CDH8: variants seen among roughly 807,000 people sequenced by gnomAD.
CDH8 encodes cadherin-8.
A neutral mutation model predicts 68.1 loss-of-function variants in CDH8; 17 were observed. The ratio of observed to expected loss-of-function variants is 0.25; its 90% confidence interval spans 0.17 to 0.37. The LOEUF (loss-of-function observed/expected upper bound fraction) is 0.37. Ranked by LOEUF, CDH8 falls within the 10% of genes least tolerant of loss-of-function variation. The pLI, the probability that CDH8 is intolerant of heterozygous loss-of-function variation, is 1.00. For missense variants in CDH8, 763 were observed against 999.3 expected (o/e 0.76, Z 3.19); for synonymous variants, 372 against 365.1 (o/e 1.02, Z -0.21).
intron 2 of CDH8, among the ~76,000 whole-genome samples, chr16:61,945,883 G>A (rs141351799): frequency 6.6e-6 from 1 of 152,054 alleles, no homozygotes; most frequent in Admixed American, 6.6e-5. Context: ...TATTTCCTCC[G>A]ATTTTTCTTC....
intron 10 of CDH8, among the ~76,000 whole-genome samples, chr16:61,664,284 T>G (rs1963624944): frequency 1.3e-5 from 2 of 152,024 alleles, no homozygotes; most frequent in South Asian, 4.1e-4. Context: ...AATCTTTATA[T>G]TTTTATCAAA....
intron 9 of CDH8, among the ~76,000 whole-genome samples, chr16:61,715,586 A>G (rs1964714439): frequency 6.6e-6 from 1 of 151,600 alleles, no homozygotes; most frequent in Admixed American, 6.6e-5. Context: ...GGCCATTGCT[A>G]TTTATTGATG....
At position 62,021,531 on chromosome 16, in the gene CDH8, C is replaced by G. The variant is rs796540401; in HGVS notation, c.-128G>C. The G allele has an allele frequency of 2.1e-6, 3 of 1,461,220 alleles. No individual in the cohort carries two copies. Among genetic ancestry groups the G allele is most frequent in the African/African-American group, 1.4e-5 (1 of 70,678 alleles). 90.5% of individuals were successfully genotyped at this position (1,461,220 alleles called of 1,614,324 possible). A position where few individuals can be genotyped will look rare whatever the true frequency, so the allele number is the denominator to read the frequency against. ...ACAGCTCTGCCACGTGTCTATAGCA[C>G]GGGAAACAGACATCATCTAAGCAGC... On this transcript the variant is annotated 5_prime_UTR_variant, in exon 2 of 12. Coordinates refer to ENST00000577390, the MANE Select transcript of CDH8 (RefSeq NM_001796.5).
At chr16:61,950,830 G>A (rs1019415204) in intron 2 of CDH8, among the ~76,000 whole-genome samples, 1 of 152,100 alleles carries the variant, frequency 6.6e-6, no homozygotes, top group African/African-American at 2.4e-5. Context: ...CTTATAAGTG[G>A]AAGCTAAATG....
At chr16:61,660,650 A>C (rs921889981) in intron 10 of CDH8, among the ~76,000 whole-genome samples, 3 of 152,098 alleles carry the variant, frequency 2.0e-5, no homozygotes, top group Non-Finnish European at 1.5e-5. Context: ...ATCATAGTGA[A>C]AACACGGAAA....
chr16:61,657,505 TG>T (rs1963470686), intron 10 of CDH8, among the ~76,000 whole-genome samples: 1 of 152,120 alleles, frequency 6.6e-6, no homozygotes, highest in South Asian at 2.1e-4. Flanking sequence ...ATATACCAAA[TG>T]ATCCAGTAAT....
At chr16:61,846,251 G>T (rs1208794889) in intron 4 of CDH8, among the ~76,000 whole-genome samples, 4 of 151,916 alleles carry the variant, frequency 2.6e-5, no homozygotes, top group Non-Finnish European at 5.9e-5. Context: ...ATAAATTAAT[G>T]ATCTCATTGC....
At chr16:61,924,992 G>A (rs942746814) in intron 2 of CDH8, among the ~76,000 whole-genome samples, 1 of 152,092 alleles carries the variant, frequency 6.6e-6, no homozygotes, top group Admixed American at 6.6e-5. Flanking sequence ...CTCTGTATTA[G>A]CATCCAGATT....
At chr16:61,754,296 T>A (rs910836513) in intron 8 of CDH8, among the ~76,000 whole-genome samples, 4 of 152,276 alleles carry the variant, frequency 2.6e-5, no homozygotes, top group South Asian at 2.1e-4. Flanking sequence ...TTATTACTGA[T>A]CCTTGATATT....
intron 2 of CDH8, among the ~76,000 whole-genome samples, chr16:61,928,118 C>G (rs998050699): frequency 6.6e-6 from 1 of 152,128 alleles, no homozygotes; most frequent in Non-Finnish European, 1.5e-5. Flanking sequence ...AAGGACATTG[C>G]TCATTACAGC....
At chr16:61,919,321 C>T (rs1258486529) in intron 2 of CDH8, among the ~76,000 whole-genome samples, 2 of 148,488 alleles carry the variant, frequency 1.3e-5, no homozygotes, top group Non-Finnish European at 3.0e-5. Context: ...CGGAGAATGA[C>T]TTTGACAAGC....
chr16:61,771,949 A>T (rs1422924176), intron 8 of CDH8, among the ~76,000 whole-genome samples: 2 of 151,910 alleles, frequency 1.3e-5, no homozygotes, highest in Admixed American at 6.6e-5. Context: ...AATGTTACTC[A>T]TTCATTGTTA....
intron 8 of CDH8, among the ~76,000 whole-genome samples, chr16:61,735,077 G>A (rs7188116): frequency 0.071 from 10,724 of 151,772 alleles, 1,319 homozygotes; most frequent in African/African-American, 0.24. Context: ...TGGCTTTCTC[G>A]TCTTCTTCTT....
chr16:61,997,746 G>A (rs190593578), intron 2 of CDH8, among the ~76,000 whole-genome samples: 7 of 152,162 alleles, frequency 4.6e-5, no homozygotes, highest in Non-Finnish European at 8.8e-5. Flanking sequence ...TTAGAAAACC[G>A]CATCACTTCT....
chr16:61,931,428 G>A (rs776299103), intron 2 of CDH8, among the ~76,000 whole-genome samples: 5 of 152,006 alleles, frequency 3.3e-5, no homozygotes, highest in Non-Finnish European at 7.4e-5. Flanking sequence ...CTTCCACCTC[G>A]GTTTCCCAAA....
intron 2 of CDH8, 126 bp downstream of exon 2, chr16:62,021,026 A>G: frequency 1.2e-6 from 1 of 810,698 alleles, no homozygotes; most frequent in Non-Finnish European, 2.0e-6. Flanking sequence ...ACGACAGGTA[A>G]ACTCACTAAA....
At chr16:62,029,909 C>T (rs1280450714) in intron 1 of CDH8, among the ~76,000 whole-genome samples, 1 of 152,176 alleles carries the variant, frequency 6.6e-6, no homozygotes, top group East Asian at 1.9e-4. Context: ...GATTTCTCTT[C>T]TCACTTAAGA....
chr16:61,832,407 G>A (rs1962480993), intron 4 of CDH8, among the ~76,000 whole-genome samples: 1 of 151,428 alleles, frequency 6.6e-6, no homozygotes, highest in Non-Finnish European at 1.5e-5. Flanking sequence ...GAGGGAAATA[G>A]AGAGACAGAT....
chr16:61,724,034 A>T (rs908686684), intron 9 of CDH8, among the ~76,000 whole-genome samples: 15 of 150,638 alleles, frequency 1.0e-4, no homozygotes, highest in African/African-American at 3.4e-4. Flanking sequence ...TATAATATTT[A>T]ATTATGTAAC....
Sources: allele counts gnomAD v4.1 joint callset (sites outside exome capture counted in the v4.1 genomes callset), GRCh38; gene constraint gnomAD v4.1.1; transcripts MANE v1.5; gene names NCBI Gene and HGNC (gene_info 2026-07-23, HGNC 2026-07-21).